Variants in ERC2 observed in about 807,000 individuals in gnomAD.
ERC2 encodes ELKS/RAB6-interacting/CAST family member 2.
In ERC2, 42 loss-of-function variants were observed where a neutral mutation model predicts 114.8. The ratio of observed to expected loss-of-function variants is 0.37; its 90% confidence interval spans 0.29 to 0.47. ERC2 has a LOEUF of 0.47. Among genes scored for constraint, ERC2 ranks in the 20% least tolerant of loss-of-function variants. The pLI is 0.99. For missense variants in ERC2, 939 were observed against 1,150.7 expected, an observed-to-expected ratio of 0.82 and a Z score of 2.66; for synonymous variants, 454 against 425.5, an observed-to-expected ratio of 1.07 and a Z score of -0.82.
chr3:55,992,446 T>C (rs2071151901), intron 10 of ERC2, among the ~76,000 whole-genome samples, 196 bp from the exon 11 acceptor site: 1 of 152,132 alleles, frequency 6.6e-6, no homozygotes, highest in Non-Finnish European at 1.5e-5. Flanking sequence ...TTTAAAATAA[T>C]ATTAGAGTTT....
intron 7 of ERC2, among the ~76,000 whole-genome samples, chr3:56,041,517 T>C (rs1179682746): frequency 6.6e-6 from 1 of 152,134 alleles, no homozygotes; most frequent in African/African-American, 2.4e-5. Flanking sequence ...CATTACTAAA[T>C]CCCAGTTGGG....
At chr3:56,110,020 C>A (rs1410262365) in intron 6 of ERC2, among the ~76,000 whole-genome samples, 1 of 152,104 alleles carries the variant, frequency 6.6e-6, no homozygotes, top group Admixed American at 6.6e-5. Context: ...GTTAATATTT[C>A]TAATATGAGA....
chr3:55,739,147 T>C (rs569385033), intron 14 of ERC2, among the ~76,000 whole-genome samples: 1 of 152,344 alleles, frequency 6.6e-6, no homozygotes, highest in East Asian at 1.9e-4. Flanking sequence ...ATTTTCTTTA[T>C]CCAGTCTATC....
chr3:56,329,860 C>CAT (rs1477334471), intron 2 of ERC2, among the ~76,000 whole-genome samples: 1 of 149,132 alleles, frequency 6.7e-6, no homozygotes, highest in Admixed American at 6.7e-5. Flanking sequence ...GTATTTCCAC[C>CAT]ATATATATAT....
intron 14 of ERC2, among the ~76,000 whole-genome samples, chr3:55,841,723 A>T (rs2061143030): frequency 6.7e-6 from 1 of 148,546 alleles, no homozygotes; most frequent in South Asian, 2.2e-4. Flanking sequence ...TAATTTGCCT[A>T]AGGTCACAAC....
chr3:55,749,394 AG>A (rs1418044141), intron 14 of ERC2, among the ~76,000 whole-genome samples: 2 of 152,196 alleles, frequency 1.3e-5, no homozygotes, highest in Non-Finnish European at 2.9e-5. Flanking sequence ...GCAGGGGTCA[AG>A]GAAGAATGGG....
intron 13 of ERC2, among the ~76,000 whole-genome samples, chr3:55,915,084 C>G (rs1308865174): frequency 6.6e-6 from 1 of 152,104 alleles, no homozygotes; most frequent in Non-Finnish European, 1.5e-5. Context: ...TTGAAATGCT[C>G]ATATCCATAG....
chr3:56,160,574 T>C (rs2081990688), intron 4 of ERC2, among the ~76,000 whole-genome samples: 1 of 152,192 alleles, frequency 6.6e-6, no homozygotes, highest in African/African-American at 2.4e-5. Context: ...AGCATGGTGT[T>C]TCCTAGATTT....
intron 2 of ERC2, among the ~76,000 whole-genome samples, chr3:56,300,278 T>TAA (rs2055777109): frequency 1.7e-5 from 1 of 59,120 alleles, no homozygotes; most frequent in South Asian, 4.9e-4. Flanking sequence ...ACTCATGAAA[T>TAA]ACAAAAAAAA....
At chr3:55,972,999 G>C (rs1228596845) in intron 12 of ERC2, among the ~76,000 whole-genome samples, 2 of 152,118 alleles carry the variant, frequency 1.3e-5, no homozygotes, top group South Asian at 2.1e-4. Flanking sequence ...TATGTACTTA[G>C]GGTTTAAGAT....
intron 17 of ERC2, among the ~76,000 whole-genome samples, chr3:55,564,608 C>G (rs1229681479): frequency 6.6e-6 from 1 of 152,192 alleles, no homozygotes; most frequent in African/African-American, 2.4e-5. Context: ...GATGGACACA[C>G]AGCTATTAGA....
At chr3:55,724,607 T>G (rs1373115487) in intron 15 of ERC2, among the ~76,000 whole-genome samples, 11 of 152,152 alleles carry the variant, frequency 7.2e-5, no homozygotes, top group African/African-American at 1.9e-4. Context: ...GATAATATAT[T>G]TAAAATCCCT....
At chr3:55,864,158 CATATATATACACATATATATATACACAT>C (rs769648344) in intron 14 of ERC2, among the ~76,000 whole-genome samples, 18 of 112,958 alleles carry the variant, frequency 1.6e-4, no homozygotes, top group African/African-American at 7.0e-4. Flanking sequence ...TATATATACA[CATATATATACACATATATATATACACAT>C]ATATATATAC....
intron 14 of ERC2, among the ~76,000 whole-genome samples, chr3:55,796,783 T>C (rs2070539610): frequency 6.6e-6 from 1 of 152,236 alleles, no homozygotes; most frequent in African/African-American, 2.4e-5. Context: ...CATTTGTTTA[T>C]AAATTGTCTC....
intron 3 of ERC2, among the ~76,000 whole-genome samples, chr3:56,197,712 C>T (rs954159968): frequency 2.6e-5 from 4 of 152,228 alleles, no homozygotes; most frequent in Non-Finnish European, 5.9e-5. Context: ...TTGGTCTTCA[C>T]CCAACTGGCT....
intron 3 of ERC2, among the ~76,000 whole-genome samples, chr3:56,246,348 C>T (rs574182782): frequency 6.6e-6 from 1 of 152,278 alleles, no homozygotes; most frequent in East Asian, 1.9e-4. Context: ...GCCAGCAGTG[C>T]CCCTTCCCAC....
Position 55,710,303 on chromosome 3 carries a change from A to G in ERC2, c.2713-10791T>C, listed in dbSNP as rs746589101. The stretch of plus-strand genomic sequence containing the variant: ...ATCCAAGCTGATATTCTCTCAGTAC[A>G]TGAACATGAAAACTCATCAATAACC... On this transcript the variant is annotated intron_variant, in intron 15 of 17. Coordinates refer to ENST00000288221, the MANE Select transcript of ERC2 (RefSeq NM_015576.3). 9.9e-5 allele frequency among the ~76,000 whole-genome samples: 15 copies of G among 152,276 alleles called. No individual in the cohort carries two copies. The East Asian group carries it at 2.3e-3, about 24-fold the overall frequency.
chr3:55,528,623 G>T (rs2053482468), intron 17 of ERC2, among the ~76,000 whole-genome samples: 1 of 152,172 alleles, frequency 6.6e-6, no homozygotes, highest in Non-Finnish European at 1.5e-5. Flanking sequence ...TTGTTCAACA[G>T]ATATTTCTTG....
intron 17 of ERC2, among the ~76,000 whole-genome samples, chr3:55,543,231 G>T (rs73077440): frequency 0.16 from 25,090 of 152,176 alleles, 2,571 homozygotes; most frequent in Middle Eastern, 0.26. Flanking sequence ...AGCAGCAAAA[G>T]GCTGTCCACG....
Sources: allele counts gnomAD v4.1 joint callset (sites outside exome capture counted in the v4.1 genomes callset), GRCh38; gene constraint gnomAD v4.1.1; transcripts MANE v1.5; gene names NCBI Gene and HGNC (gene_info 2026-07-23, HGNC 2026-07-21).